The following SGCZ variants were observed in gnomAD, a reference collection of about 807,000 sequenced individuals.
The protein encoded by SGCZ is zeta-sarcoglycan.
A neutral mutation model predicts 41.3 loss-of-function variants in SGCZ; 40 were observed. That is an observed-to-expected ratio of 0.97 (90% confidence interval 0.75 to 1.26). The LOEUF is 1.26. Ranked by LOEUF, SGCZ falls within the 50% of genes most tolerant of loss-of-function variation. The probability of loss-of-function intolerance (pLI) is 0.00; values close to 1 mark genes in which losing one functional copy is unlikely to be tolerated. For synonymous variants in SGCZ, 206 were observed against 137.5 expected, an observed-to-expected ratio of 1.50 and a Z score of -3.49; for missense variants, 552 against 369.8, an observed-to-expected ratio of 1.49 and a Z score of -4.04.
At chr8:14,948,838 G>A (rs189394243) in intron 1 of SGCZ, among the ~76,000 whole-genome samples, 159 of 151,922 alleles carry the variant, frequency 1.0e-3, no homozygotes, top group African/African-American at 3.7e-3. Context: ...ACACCCGTGT[G>A]TTTCTTCACA....
intron 1 of SGCZ, among the ~76,000 whole-genome samples, chr8:14,652,208 G>C (rs998273717): frequency 1.3e-5 from 2 of 151,442 alleles, no homozygotes; most frequent in Non-Finnish European, 2.9e-5. Flanking sequence ...GGGCGTGGTG[G>C]CGAATGCATG....
intron 1 of SGCZ, among the ~76,000 whole-genome samples, chr8:15,045,497 T>C (rs1394894532): frequency 6.6e-6 from 1 of 152,124 alleles, no homozygotes; most frequent in Non-Finnish European, 1.5e-5. Flanking sequence ...GTTGCTTTCC[T>C]TGGGGTTGAG....
intron 2 of SGCZ, among the ~76,000 whole-genome samples, chr8:14,454,002 T>G: frequency 6.6e-6 from 1 of 151,040 alleles, no homozygotes; most frequent in East Asian, 1.9e-4. Flanking sequence ...AAAAAAAAAA[T>G]AATTGTTTTT....
chr8:14,132,989 T>C (rs1412764575), intron 5 of SGCZ, among the ~76,000 whole-genome samples: 1 of 152,180 alleles, frequency 6.6e-6, no homozygotes, highest in Admixed American at 6.5e-5. Flanking sequence ...TTTCCTTGAA[T>C]GCTAGGAGCT....
rs562821573 is a variant in SGCZ at position 14,666,215 on chromosome 8, T to C, written c.40-111289A>G. ...CAAGTCTCATGAAGCATCCTATTACTGAAATGTTTGTAGGGCATAAAAGGA... is the reference window on the plus strand; with the variant it reads ...CAAGTCTCATGAAGCATCCTATTACCGAAATGTTTGTAGGGCATAAAAGGA... On this transcript the variant is annotated intron_variant, in intron 1 of 7. Coordinates refer to ENST00000382080, the MANE Select transcript of SGCZ (RefSeq NM_139167.4). 1.8e-4 allele frequency among the ~76,000 whole-genome samples: 27 copies of C among 152,340 alleles called. No homozygotes were observed. The South Asian group carries it at 4.6e-3, about 26-fold the overall frequency.
Position 14,775,192 on chromosome 8 carries a change from T to A in SGCZ, c.40-220266A>T, listed in dbSNP as rs185399074. On this transcript the variant is annotated intron_variant, in intron 1 of 7. Transcript: ENST00000382080. ...ACTGTGTATATGAATCACCTGGAGATTTTGTAATAATACAAATTCTGATTG... is the reference window on the plus strand; with the variant it reads ...ACTGTGTATATGAATCACCTGGAGAATTTGTAATAATACAAATTCTGATTG... Among the ~76,000 whole-genome samples, 388 of 152,236 alleles carry A rather than the reference T, an allele frequency of 2.5e-3. 6 individuals are homozygous for A. The highest frequency in any genetic ancestry group is 7.7e-4 in the East Asian group (4 of 5,180).
At chr8:14,167,342 T>C (rs1384329350) in intron 4 of SGCZ, among the ~76,000 whole-genome samples, 1 of 152,146 alleles carries the variant, frequency 6.6e-6, no homozygotes, top group Non-Finnish European at 1.5e-5. Context: ...CCACCAATGA[T>C]GCTGCCAGTG....
intron 2 of SGCZ, among the ~76,000 whole-genome samples, chr8:14,455,120 T>C (rs1196602749): frequency 2.0e-5 from 3 of 152,018 alleles, no homozygotes; most frequent in African/African-American, 4.8e-5. Flanking sequence ...ATGTAACATA[T>C]ACCATGGTTG....
chr8:14,673,047 T>C (rs898935627), intron 1 of SGCZ, among the ~76,000 whole-genome samples: 21 of 152,200 alleles, frequency 1.4e-4, no homozygotes, highest in Non-Finnish European at 2.9e-5. Flanking sequence ...GGCTGTTGTT[T>C]GCCAGCTTTT....
chr8:15,224,266 T>A (rs1167118456), intron 1 of SGCZ, among the ~76,000 whole-genome samples: 4 of 152,226 alleles, frequency 2.6e-5, no homozygotes, highest in Non-Finnish European at 5.9e-5. Flanking sequence ...AATACCAACC[T>A]GGATAATTTT....
intron 1 of SGCZ, among the ~76,000 whole-genome samples, chr8:14,776,742 C>T (rs1475744267): frequency 1.3e-5 from 2 of 152,084 alleles, no homozygotes; most frequent in African/African-American, 4.8e-5. Flanking sequence ...ACCCGCCCAC[C>T]TGGGCCTCCC....
At chr8:14,353,174 C>T (rs1261662101) in intron 2 of SGCZ, among the ~76,000 whole-genome samples, 1 of 151,950 alleles carries the variant, frequency 6.6e-6, no homozygotes, top group Non-Finnish European at 1.5e-5. Context: ...AAAATACCAT[C>T]TGTTCCTCTT....
intron 1 of SGCZ, among the ~76,000 whole-genome samples, chr8:14,729,805 G>A (rs772334727): frequency 2.0e-5 from 3 of 152,166 alleles, no homozygotes; most frequent in South Asian, 2.1e-4. Flanking sequence ...CCTTTTAAGG[G>A]AAGGCATGGT....
At chr8:14,766,936 T>C (rs908766372) in intron 1 of SGCZ, among the ~76,000 whole-genome samples, 15 of 152,072 alleles carry the variant, frequency 9.9e-5, no homozygotes, top group Non-Finnish European at 1.5e-4. Context: ...CAAAGCAAGA[T>C]GTACAGAGAA....
At chr8:14,276,408 T>C (rs1273994799) in intron 3 of SGCZ, among the ~76,000 whole-genome samples, 1 of 152,206 alleles carries the variant, frequency 6.6e-6, no homozygotes. Context: ...TTTCATTGCA[T>C]GACTGAAGCG....
chr8:14,294,479 T>C (rs1437116351), intron 3 of SGCZ, among the ~76,000 whole-genome samples: 3 of 151,904 alleles, frequency 2.0e-5, no homozygotes, highest in Non-Finnish European at 1.5e-5. Context: ...TATAAAAACA[T>C]TGCTGCGATC....
chr8:14,188,673 T>C (rs1252774968), intron 4 of SGCZ, among the ~76,000 whole-genome samples: 1 of 152,174 alleles, frequency 6.6e-6, no homozygotes, highest in African/African-American at 2.4e-5. Flanking sequence ...TACATTTAAA[T>C]GGATGAATTG....
intron 1 of SGCZ, among the ~76,000 whole-genome samples, chr8:15,184,744 T>A (rs1207180074): frequency 2.6e-5 from 4 of 152,178 alleles, no homozygotes; most frequent in African/African-American, 7.2e-5. Flanking sequence ...TAACCTATAA[T>A]TATTAAAGTG....
At chr8:14,713,920 A>C (rs994785629) in intron 1 of SGCZ, among the ~76,000 whole-genome samples, 1 of 152,102 alleles carries the variant, frequency 6.6e-6, no homozygotes, top group Non-Finnish European at 1.5e-5. Context: ...CTTTAAAATG[A>C]CTTTATAGAG....
Sources: allele counts gnomAD v4.1 joint callset (sites outside exome capture counted in the v4.1 genomes callset), GRCh38; gene constraint gnomAD v4.1.1; transcripts MANE v1.5; gene names NCBI Gene and HGNC (gene_info 2026-07-23, HGNC 2026-07-21).